Variants in WDR33 observed in about 807,000 individuals in gnomAD.
WDR33 encodes the protein WD repeat domain 33, also known as pre-mRNA 3' end processing protein WDR33.
A neutral mutation model predicts 164.9 loss-of-function variants in WDR33; 47 were observed. The observed-to-expected ratio is 0.29, with a 90% confidence interval of 0.23 to 0.36. The LOEUF (loss-of-function observed/expected upper bound fraction) is 0.36, where lower values mean the gene tolerates loss of function less well. Among genes scored for constraint, WDR33 ranks in the 10% least tolerant of loss-of-function variants. The pLI, the probability that WDR33 is intolerant of heterozygous loss-of-function variation, is 1.00. For synonymous variants in WDR33, 505 were observed against 589.0 expected, an observed-to-expected ratio of 0.86 and a Z score of 2.06; for missense variants, 1,137 against 1,754.1, an observed-to-expected ratio of 0.65 and a Z score of 6.28.
At chr2:127,797,122 G>C (rs1213161617) in intron 1 of WDR33, among the ~76,000 whole-genome samples, 1 of 151,944 alleles carries the variant, frequency 6.6e-6, no homozygotes, top group Admixed American at 6.6e-5. Flanking sequence ...GTAACCAGTT[G>C]ATTCCTGATG....
chr2:127,775,571 T>A (rs1370962975), intron 1 of WDR33, among the ~76,000 whole-genome samples: 1 of 152,162 alleles, frequency 6.6e-6, no homozygotes, highest in African/African-American at 2.4e-5. Flanking sequence ...AGTACCTGGA[T>A]ACAAAGCACT....
chr2:127,768,962 T>G lies in WDR33; in HGVS notation c.244A>C (p.Ile82Leu). ...WQRDQRDMRA[I>L]QPDAGYYNDL... Reference sequence around the variant, plus strand: ...TTGTAATAACCTGCATCAGGCTGAATTGCCCGCATATCTCTCTGGTCTCTT... The same window carrying G: ...TTGTAATAACCTGCATCAGGCTGAAGTGCCCGCATATCTCTCTGGTCTCTT... The change falls in exon 3 of 22, where the codon ATT becomes CTT. Residue 82 changes from isoleucine (I) to leucine (L), a missense_variant. Physicochemically the swap from Ile to Leu is conservative, Grantham distance 5. Transcript: ENST00000322313. 1 of 1,590,146 alleles carries G rather than the reference T, an allele frequency of 6.3e-7. No individual in the cohort carries two copies. The highest frequency in any genetic ancestry group is 1.1e-5 in the South Asian group (1 of 87,902).
At chr2:127,731,794 T>C (rs1455776664) in intron 7 of WDR33, among the ~76,000 whole-genome samples, 1 of 152,112 alleles carries the variant, frequency 6.6e-6, no homozygotes, top group African/African-American at 2.4e-5. Flanking sequence ...TTATTTAAAT[T>C]ATACTGCAGG....
Position 127,726,731 on chromosome 2 carries a change from C to T in WDR33, c.771G>A (p.Gly257=), listed in dbSNP as rs762436280. The T allele has an allele frequency of 9.9e-6, 16 of 1,614,080 alleles. No homozygotes were observed. The highest frequency in any genetic ancestry group is 1.4e-5 in the Non-Finnish European group (16 of 1,180,044). ...TATCTTTACTTCCTGAAACAACTAA[C>T]CCTTTGGTTGGATGCCAGTCTACAC... ...VKCVDWHPTK[G]LVVSGSKDSQ... The change falls in exon 8 of 22, where the codon GGG becomes GGA. Residue 257 remains glycine (G), a synonymous_variant. Transcript: ENST00000322313. The surrounding 1 kb of genome is among the most constrained non-coding windows in gnomAD (Gnocchi z 4.8).
intron 7 of WDR33, among the ~76,000 whole-genome samples, chr2:127,734,978 G>A (rs1686803601): frequency 6.6e-6 from 1 of 152,122 alleles, no homozygotes; most frequent in African/African-American, 2.4e-5. Context: ...GAAATAAAAT[G>A]CAGACTCCTT....
chr2:127,760,076 G>C (rs1402608919), intron 7 of WDR33, among the ~76,000 whole-genome samples: 1 of 152,100 alleles, frequency 6.6e-6, no homozygotes, highest in African/African-American at 2.4e-5. Context: ...TAAGGAAGCA[G>C]GTTTCTGATA....
chr2:127,762,669 C>G, intron 7 of WDR33: 1 of 1,007,352 alleles, frequency 9.9e-7, no homozygotes, highest in Admixed American at 5.5e-5. Flanking sequence ...ATACCTCTAT[C>G]TTGTCGGTTA....
Position 127,722,630 on chromosome 2 carries a change from T to C in WDR33, c.1479A>G (p.Lys493=), listed in dbSNP as rs773399074. The change falls in exon 14 of 22, where the codon AAA becomes AAG. Residue 493 remains lysine (K), a synonymous_variant. Coordinates refer to ENST00000322313, the MANE Select transcript of WDR33 (RefSeq NM_018383.5). This position sits in a 1 kb window ranked among gnomAD's most constrained non-coding sequence, Gnocchi z 5.1. ...CAGGAATGGGTTTTGCATAAGGAAC[T>C]TTCTTCTGAGGTACTTTTTTCTGAT... ...QKDQKKVPQK[K]VPYAKPIPAQ... is the part of the protein sequence containing the mutation. The C allele has an allele frequency of 6.2e-7, 1 of 1,614,166 alleles. No homozygotes were observed. Among genetic ancestry groups the C allele is most frequent in the South Asian group, 1.1e-5 (1 of 91,068 alleles).
In WDR33 at chr2:127,717,720, T is replaced by A. The variant is rs1686334253; in HGVS notation, c.2761-457A>T. Among the ~76,000 whole-genome samples, 1 of 152,224 alleles carries A rather than the reference T, an allele frequency of 6.6e-6. No homozygotes were observed. Among genetic ancestry groups the A allele is most frequent in the Non-Finnish European group, 1.5e-5 (1 of 68,044 alleles). ...ATCTTCAGACTCATTCTACCAGTATTTCTATAGGTCAATTAAAATTTCAGA... is the reference window on the plus strand; with the variant it reads ...ATCTTCAGACTCATTCTACCAGTATATCTATAGGTCAATTAAAATTTCAGA... On this transcript the variant is annotated intron_variant, in intron 16 of 21. Coordinates refer to ENST00000322313, the MANE Select transcript of WDR33 (RefSeq NM_018383.5). This position sits in a 1 kb window ranked among gnomAD's most constrained non-coding sequence, Gnocchi z 5.6.
intron 7 of WDR33, among the ~76,000 whole-genome samples, chr2:127,751,145 G>C (rs977204524): frequency 6.6e-6 from 1 of 151,840 alleles, no homozygotes; most frequent in Admixed American, 6.6e-5. Flanking sequence ...AGGATCACTT[G>C]AGCCCAGGAG....
chr2:127,768,204 A>G lies in WDR33; in HGVS notation c.363T>C (p.Pro121=), dbSNP rs1200067401. The stretch of plus-strand genomic sequence containing the variant: ...GATTACTTACCCTAACAACAAATAC[A>G]GGACACTTTACTTTATTTGTTGATG... ...VRTSTNKVKC[P]VFVVRWTPEG... is the part of the protein sequence containing the mutation. Residue 121 remains proline, a synonymous_variant, in exon 4 of 22, where the codon CCT becomes CCC. Coordinates refer to ENST00000322313, the MANE Select transcript of WDR33 (RefSeq NM_018383.5). 1 of 1,572,556 alleles carries G rather than the reference A, an allele frequency of 6.4e-7. No homozygotes were observed. The highest frequency in any genetic ancestry group is 8.6e-7 in the Non-Finnish European group (1 of 1,156,122).
Position 127,726,916 on chromosome 2 carries a change from C to T in WDR33, c.725-139G>A. The T allele has an allele frequency of 1.8e-6, 2 of 1,114,114 alleles. No individual in the cohort carries two copies. The highest frequency in any genetic ancestry group is 2.5e-6 in the Non-Finnish European group (2 of 791,900). 69.0% of individuals were successfully genotyped at this position (1,114,114 alleles called of 1,614,324 possible). ...AACTTGTTTTGTGAAGACTCTTTGG[C>T]CTCTGTGTGTCTGGAAATTTTTCAG... is the stretch of plus-strand genomic sequence containing the variant. On this transcript the variant is annotated intron_variant, in intron 7 of 21. Coordinates refer to ENST00000322313, the MANE Select transcript of WDR33 (RefSeq NM_018383.5). This position sits in a 1 kb window ranked among gnomAD's most constrained non-coding sequence, Gnocchi z 4.8.
chr2:127,711,780 AT>A (rs1158780905), intron 18 of WDR33, among the ~76,000 whole-genome samples: 3 of 88,318 alleles, frequency 3.4e-5, no homozygotes, highest in South Asian at 4.6e-4. Flanking sequence ...ATATATATAT[AT>A]TTTTTTTTTG....
Position 127,763,807 on chromosome 2 carries a change from G to A in WDR33, c.627-648C>T. 1.0e-6 allele frequency: 1 copy of A among 985,538 alleles called. No individual in the cohort carries two copies. Among genetic ancestry groups the A allele is most frequent in the Non-Finnish European group, 1.2e-6 (1 of 830,044 alleles). The allele number at this position is 985,538 out of a possible 1,614,324, so 61.0% of individuals were successfully genotyped here. A position where few individuals can be genotyped will look rare whatever the true frequency, so the allele number is the denominator to read the frequency against. On this transcript the variant is annotated intron_variant, in intron 6 of 21. Coordinates refer to ENST00000322313, the MANE Select transcript of WDR33 (RefSeq NM_018383.5). This position sits in a 1 kb window ranked among gnomAD's most constrained non-coding sequence, Gnocchi z 4.5. ...TGCAAGAAGGAGTCAGTTTTTCCCA[G>A]CAGTGAAAGATCATCAAGTTTCTCA...
Position 127,764,672 on chromosome 2 carries a change from G to C in WDR33, c.626+156C>G, listed in dbSNP as rs557234431. 6.3e-7 allele frequency: 1 copy of C among 1,582,272 alleles called. No homozygotes were observed. The highest frequency in any genetic ancestry group is 1.1e-5 in the South Asian group (1 of 87,888). On this transcript the variant is annotated intron_variant, in intron 6 of 21. Coordinates refer to ENST00000322313, the MANE Select transcript of WDR33 (RefSeq NM_018383.5). The surrounding 1 kb of genome is among the most constrained non-coding windows in gnomAD (Gnocchi z 6.2). The stretch of plus-strand genomic sequence containing the variant: ...TTCAGAAAGGTGCCAGCAAAATGGT[G>C]AATGTGTGAAAACAAAGAAAAATAT...
intron 18 of WDR33, among the ~76,000 whole-genome samples, chr2:127,711,764 A>T (rs1686172429): frequency 8.0e-5 from 6 of 74,622 alleles, no homozygotes; most frequent in African/African-American, 3.7e-4. Flanking sequence ...ATATATATAT[A>T]TATATATATA....
chr2:127,808,954 C>T (rs775745226), intron 1 of WDR33, among the ~76,000 whole-genome samples: 11 of 150,386 alleles, frequency 7.3e-5, no homozygotes, highest in Non-Finnish European at 1.3e-4. Context: ...GGCGTGAACC[C>T]GGGAGGCGGA....
rs2105369930 is a variant in WDR33, at chr2:127,708,550, C to G, written c.3781+127G>C. 1 of 1,070,004 alleles carries G rather than the reference C, an allele frequency of 9.3e-7. No homozygotes were observed. The highest frequency in any genetic ancestry group is 2.5e-5 in the East Asian group (1 of 39,482). 66.3% of individuals were successfully genotyped at this position (1,070,004 alleles called of 1,614,324 possible). A position where few individuals can be genotyped will look rare whatever the true frequency, so the allele number is the denominator to read the frequency against. On this transcript the variant is annotated intron_variant, in intron 21 of 21. Transcript: ENST00000322313. This position sits in a 1 kb window ranked among gnomAD's most constrained non-coding sequence, Gnocchi z 6.7. ...CCACCAGATGACAGCTCGTGTGGCACTGGCACCACATTTAGGAGCATGTGC... is the reference window on the plus strand; with the variant it reads ...CCACCAGATGACAGCTCGTGTGGCAGTGGCACCACATTTAGGAGCATGTGC...
chr2:127,764,759 A>G lies in WDR33; in HGVS notation c.626+69T>C. 6.2e-7 allele frequency: 1 copy of G among 1,614,218 alleles called. No homozygotes were observed. Among genetic ancestry groups the G allele is most frequent in the Non-Finnish European group, 8.5e-7 (1 of 1,180,038 alleles). On this transcript the variant is annotated intron_variant, in intron 6 of 21. Transcript: ENST00000322313. The surrounding 1 kb of genome is among the most constrained non-coding windows in gnomAD (Gnocchi z 6.2). ...ACAGAGCCCATGCATCTCTGCACCCAGAATACACTTAGAGAATAATTTAAC... is the reference window on the plus strand; with the variant it reads ...ACAGAGCCCATGCATCTCTGCACCCGGAATACACTTAGAGAATAATTTAAC...
Sources: allele counts gnomAD v4.1 joint callset (sites outside exome capture counted in the v4.1 genomes callset), GRCh38; gene constraint gnomAD v4.1.1; non-coding constraint Gnocchi (gnomAD v3.1); transcripts MANE v1.5; gene names NCBI Gene and HGNC (gene_info 2026-07-23, HGNC 2026-07-21).